Variants in ITGA8 observed in about 807,000 individuals in gnomAD.
ITGA8 encodes the protein integrin alpha-8.
A neutral mutation model predicts 142.3 loss-of-function variants in ITGA8; 91 were observed. That is an observed-to-expected ratio of 0.64 (90% CI 0.54 to 0.76). The LOEUF (loss-of-function observed/expected upper bound fraction) is 0.76. ITGA8 is among the 30% of genes least tolerant of loss of function. The pLI is 0.00. For missense variants in ITGA8, 1,406 were observed against 1,327.7 expected (o/e 1.06, Z -0.92); for synonymous variants, 505 against 485.2 (o/e 1.04, Z -0.54).
At chr10:15,553,681 C>T (rs552524853) in intron 26 of ITGA8, among the ~76,000 whole-genome samples, 168 of 152,250 alleles carry the variant, frequency 1.1e-3, no homozygotes, top group Admixed American at 1.4e-3. Flanking sequence ...CTAATATCCT[C>T]TTTGAGGGCT....
intron 28 of ITGA8, among the ~76,000 whole-genome samples, chr10:15,529,189 A>T (rs1292443444): frequency 6.6e-6 from 1 of 152,114 alleles, no homozygotes; most frequent in Non-Finnish European, 1.5e-5. Context: ...GGCTCAAGTG[A>T]TCCTCCCACA....
Position 15,655,002 on chromosome 10 carries a change from T to G in ITGA8, c.1001+352A>C, listed in dbSNP as rs557924981. Reference sequence around the variant, plus strand: ...TAAAAATCCGTTTATGTGCAAATGTTTTGTGAATGTATCACATGCTAGGGG... The same window carrying G: ...TAAAAATCCGTTTATGTGCAAATGTGTTGTGAATGTATCACATGCTAGGGG... On this transcript the variant is annotated intron_variant, in intron 11 of 29. Transcript: ENST00000378076. Among the ~76,000 whole-genome samples the G allele has an allele frequency of 2.0e-5, 3 of 152,366 alleles. No homozygotes were observed. The South Asian group carries it at 6.2e-4, about 32-fold the overall frequency.
chr10:15,672,765 T>G lies in ITGA8; in HGVS notation c.677-16A>C, dbSNP rs746908529. On this transcript the variant is annotated splice_polypyrimidine_tract_variant and intron_variant, in intron 6 of 29. Transcript: ENST00000378076. Reference sequence around the variant, plus strand: ...ATCACTTGTCCTGTGTTTAAACAAATTAATACGTTAACTGAATGAAAGCAA... The same window carrying G: ...ATCACTTGTCCTGTGTTTAAACAAAGTAATACGTTAACTGAATGAAAGCAA... 7.6e-6 allele frequency: 12 copies of G among 1,581,724 alleles called. No individual in the cohort carries two copies. Among genetic ancestry groups the G allele is most frequent in the Admixed American group, 3.6e-5 (2 of 55,276 alleles).
intron 10 of ITGA8, among the ~76,000 whole-genome samples, chr10:15,658,676 C>A (rs1002871297): frequency 6.6e-6 from 1 of 152,192 alleles, no homozygotes; most frequent in East Asian, 1.9e-4. Flanking sequence ...CCAAAGGCTT[C>A]CTTGCCACTT....
At chr10:15,573,294 C>G (rs890774729) in intron 24 of ITGA8, among the ~76,000 whole-genome samples, 33 of 152,288 alleles carry the variant, frequency 2.2e-4, no homozygotes, top group African/African-American at 7.7e-4. Flanking sequence ...CACATTTATG[C>G]TAAGATTTGA....
At chr10:15,534,933 G>A (rs576106263) in intron 27 of ITGA8, among the ~76,000 whole-genome samples, 2 of 152,194 alleles carry the variant, frequency 1.3e-5, no homozygotes, top group Non-Finnish European at 2.9e-5. Context: ...GGCCGAGGCC[G>A]GAGCCGGCTC....
chr10:15,521,082 G>A (rs950658369), intron 28 of ITGA8, among the ~76,000 whole-genome samples: 19 of 152,170 alleles, frequency 1.2e-4, no homozygotes, highest in African/African-American at 3.6e-4. Context: ...GCAATGGCAC[G>A]ATCTTGGCTC....
At position 15,566,141 on chromosome 10, in the gene ITGA8, A is replaced by T. The variant is rs141408152; in HGVS notation, c.2637+6070T>A. On this transcript the variant is annotated intron_variant, in intron 25 of 29. Coordinates refer to ENST00000378076, the MANE Select transcript of ITGA8 (RefSeq NM_003638.3). ...ATAACTCTAAAACTCTCATTCCTAA[A>T]GAACGGACGGTTTCTGTGTCTCCGC... 7.2e-3 allele frequency among the ~76,000 whole-genome samples: 1,100 copies of T among 152,264 alleles called. 9 individuals carry two copies. The highest frequency in any genetic ancestry group is 0.026 in the African/African-American group (1,070 of 41,558).
At chr10:15,659,962 G>A (rs1311666240) in intron 9 of ITGA8, among the ~76,000 whole-genome samples, 1 of 152,134 alleles carries the variant, frequency 6.6e-6, no homozygotes, top group East Asian at 1.9e-4. Flanking sequence ...AACTGTGAGT[G>A]AATAAATTTA....
intron 22 of ITGA8, 112 bp downstream of exon 22, chr10:15,592,113 T>C: frequency 1.6e-6 from 1 of 625,692 alleles, no homozygotes. Flanking sequence ...AAGTCTGGGT[T>C]CTAATTTCAG....
chr10:15,613,167 TAAA>T (rs59775299), intron 15 of ITGA8, among the ~76,000 whole-genome samples: 101,901 of 147,498 alleles, frequency 0.69, 35,702 homozygotes, highest in South Asian at 0.87. Flanking sequence ...TCTCAATAAA[TAAA>T]AAATAAATAA....
intron 13 of ITGA8, among the ~76,000 whole-genome samples, chr10:15,639,698 A>G (rs546179342): frequency 6.6e-6 from 1 of 152,242 alleles, no homozygotes; most frequent in Non-Finnish European, 1.5e-5. Flanking sequence ...TAGAGGACTC[A>G]TTCCCAAAGT....
intron 3 of ITGA8, among the ~76,000 whole-genome samples, chr10:15,684,571 T>C (rs1411107204): frequency 6.6e-6 from 1 of 152,012 alleles, no homozygotes. Context: ...CAGAATCTTA[T>C]TATGTTGCTC....
chr10:15,607,338 A>G (rs778862413), intron 17 of ITGA8, among the ~76,000 whole-genome samples: 2 of 152,216 alleles, frequency 1.3e-5, no homozygotes, highest in African/African-American at 4.8e-5. Context: ...CTAACAAGAC[A>G]TACTCACATA....
chr10:15,523,296 A>G (rs1833103324), intron 28 of ITGA8, among the ~76,000 whole-genome samples: 1 of 152,372 alleles, frequency 6.6e-6, no homozygotes, highest in South Asian at 2.1e-4. Flanking sequence ...TCACTTACAA[A>G]GAGCTAACAA....
intron 25 of ITGA8, among the ~76,000 whole-genome samples, chr10:15,562,006 T>G: frequency 6.6e-6 from 1 of 152,076 alleles, no homozygotes; most frequent in East Asian, 1.9e-4. Flanking sequence ...AAACATCAAA[T>G]CTCGTGAGAA....
At chr10:15,536,005 C>G (rs113602776) in intron 27 of ITGA8, among the ~76,000 whole-genome samples, 19,872 of 151,662 alleles carry the variant, frequency 0.13, 1,423 homozygotes, top group Middle Eastern at 0.19. Context: ...CGAGAAGGTC[C>G]GCAGCTTCAC....
At chr10:15,694,447 A>C (rs1835007923) in intron 2 of ITGA8, among the ~76,000 whole-genome samples, 1 of 85,430 alleles carries the variant, frequency 1.2e-5, no homozygotes, top group African/African-American at 3.7e-5. Context: ...TATATCTTAC[A>C]TTTATATTTA....
chr10:15,607,526 G>A, intron 17 of ITGA8, 151 bp downstream of exon 17: 1 of 706,712 alleles, frequency 1.4e-6, no homozygotes, highest in Admixed American at 2.2e-5. Context: ...CAAGAGGAGA[G>A]TATTTGACCC....
Sources: allele counts gnomAD v4.1 joint callset (sites outside exome capture counted in the v4.1 genomes callset), GRCh38; gene constraint gnomAD v4.1.1; transcripts MANE v1.5; gene names NCBI Gene and HGNC (gene_info 2026-07-23, HGNC 2026-07-21).